The following NDUFA10 variants were observed in gnomAD, a reference collection of about 807,000 sequenced individuals.
NDUFA10 encodes the protein NADH:ubiquinone oxidoreductase subunit A10, also known as NADH dehydrogenase [ubiquinone] 1 alpha subcomplex subunit 10, mitochondrial.
In NDUFA10, 40 loss-of-function variants were observed where a neutral mutation model predicts 47.8. The observed-to-expected ratio is 0.84, with a 90% CI of 0.65 to 1.09. The LOEUF (loss-of-function observed/expected upper bound fraction) is 1.09. NDUFA10 is among the 50% of genes least tolerant of loss of function. The pLI, the probability that NDUFA10 is intolerant of heterozygous loss-of-function variation, is 0.00. For missense variants in NDUFA10, 413 were observed against 451.1 expected, an observed-to-expected ratio of 0.92 and a Z score of 0.76; for synonymous variants, 183 against 172.2, an observed-to-expected ratio of 1.06 and a Z score of -0.49.
intron 6 of NDUFA10, among the ~76,000 whole-genome samples, chr2:240,009,580 T>C (rs1037264966): frequency 1.3e-5 from 2 of 152,246 alleles, no homozygotes; most frequent in Non-Finnish European, 2.9e-5. Flanking sequence ...ATGCTCTTTA[T>C]GCATTCATAA....
intron 9 of NDUFA10, among the ~76,000 whole-genome samples, chr2:239,975,618 G>A (rs1695486763): frequency 2.0e-5 from 3 of 152,186 alleles, no homozygotes; most frequent in South Asian, 2.1e-4. Context: ...GAAGGTGCTC[G>A]GGGTGACCTG....
At position 239,906,277 on chromosome 2, in the gene NDUFA10, C is replaced by T. The variant is rs13426854; in HGVS notation, c.295-10963G>A. Among the ~76,000 whole-genome samples, 25,444 of 152,202 alleles carry T rather than the reference C, an allele frequency of 0.17. 2,153 individuals carry two copies. The highest frequency in any genetic ancestry group is 0.19 in the African/African-American group (7,785 of 41,530). On this transcript the variant is annotated intron_variant, in intron 4 of 5. Coordinates refer to the NDUFA10 transcript ENST00000419408. The surrounding 1 kb of genome is among the most constrained non-coding windows in gnomAD (Gnocchi z 4.3). ...GTCATTTAATCATCTACTGTTCAAG[C>T]TCTTAGCAAAACTGCGGCTTCAGTT... is the stretch of plus-strand genomic sequence containing the variant.
chr2:239,925,252 A>G (rs771087994), intron 4 of NDUFA10, among the ~76,000 whole-genome samples: 3 of 152,208 alleles, frequency 2.0e-5, no homozygotes, highest in South Asian at 2.1e-4. Flanking sequence ...AAAAAGAAGA[A>G]AAATGTGGGA....
chr2:240,001,347 T>C (rs1696708699), intron 8 of NDUFA10, among the ~76,000 whole-genome samples: 1 of 152,212 alleles, frequency 6.6e-6, no homozygotes, highest in Non-Finnish European at 1.5e-5. Flanking sequence ...AATCAGAGTA[T>C]AATAATATAC....
chr2:239,914,783 TACAGACAC>T (rs1369562495), intron 4 of NDUFA10, among the ~76,000 whole-genome samples: 1 of 119,456 alleles, frequency 8.4e-6, no homozygotes, highest in Non-Finnish European at 1.7e-5. Context: ...CACACAAATA[TACAGACAC>T]ACAGATACAC....
In NDUFA10 at chr2:239,960,705, G is replaced by A. The variant is rs1203287055; in HGVS notation, c.*413C>T. The A allele has an allele frequency of 1.0e-5, 12 of 1,162,102 alleles. No homozygotes were observed. The Admixed American group carries it at 1.2e-4, about 11-fold the overall frequency. 72.0% of individuals were successfully genotyped at this position (1,162,102 alleles called of 1,614,324 possible). On this transcript the variant is annotated 3_prime_UTR_variant, in exon 10 of 10. Coordinates refer to ENST00000252711, the MANE Select transcript of NDUFA10 (RefSeq NM_004544.4). ...GTGTGTGCACGTGTGCAGTTTCGACGTGCCCGCACGCACATAGACGTACGA... is the reference window on the plus strand; with the variant it reads ...GTGTGTGCACGTGTGCAGTTTCGACATGCCCGCACGCACATAGACGTACGA...
At position 239,981,764 on chromosome 2, in the gene NDUFA10, G is replaced by A. The variant is rs563172322; in HGVS notation, c.999+8310C>T. Among the ~76,000 whole-genome samples the A allele has an allele frequency of 2.4e-3, 366 of 152,296 alleles. 4 individuals carry two copies. Among genetic ancestry groups the A allele is most frequent in the Non-Finnish European group, 4.2e-3 (285 of 68,024 alleles). ...CAGACCACCTATTTACAGAAGCACA[G>A]TGCAAGTATATTTTAAGTTTCTCAT... On this transcript the variant is annotated intron_variant, in intron 9 of 9. Coordinates refer to ENST00000252711, the MANE Select transcript of NDUFA10 (RefSeq NM_004544.4).
At chr2:240,017,631 C>T (rs1697416689) in intron 4 of NDUFA10, among the ~76,000 whole-genome samples, 1 of 152,240 alleles carries the variant, frequency 6.6e-6, no homozygotes, top group Non-Finnish European at 1.5e-5. Flanking sequence ...TGCCACACCA[C>T]AGGCACTCCA....
intron 9 of NDUFA10, among the ~76,000 whole-genome samples, chr2:239,967,975 A>T (rs1336625587): frequency 2.4e-5 from 1 of 42,086 alleles, no homozygotes; most frequent in Admixed American, 2.8e-4. Flanking sequence ...CAAGGAAAAA[A>T]ATATACACAC....
chr2:239,974,476 A>G (rs1312381377), intron 9 of NDUFA10, among the ~76,000 whole-genome samples: 1 of 152,268 alleles, frequency 6.6e-6, no homozygotes, highest in East Asian at 1.9e-4. Context: ...CCATGTCACC[A>G]GCATGTTCAT....
Position 239,903,925 on chromosome 2 carries a change from G to A in NDUFA10, c.295-8611C>T, listed in dbSNP as rs191105562. 6.6e-5 allele frequency among the ~76,000 whole-genome samples: 10 copies of A among 152,302 alleles called. No individual in the cohort carries two copies. In the East Asian group the frequency reaches 7.7e-4, roughly 12 times the overall value. ...ATTGAGATCAGGTGGGGCAGGGGCC[G>A]CCTGGCCTCAGGGCTGCAGAGAACC... On this transcript the variant is annotated intron_variant, in intron 4 of 5. Coordinates refer to the NDUFA10 transcript ENST00000419408.
chr2:239,973,775 T>A, intron 9 of NDUFA10: 1 of 365,880 alleles, frequency 2.7e-6, no homozygotes. Flanking sequence ...CAGCAGCCTG[T>A]CCTGCACACA....
intron 9 of NDUFA10, among the ~76,000 whole-genome samples, chr2:239,977,211 C>T (rs749899619): frequency 2.0e-5 from 3 of 152,170 alleles, no homozygotes; most frequent in Non-Finnish European, 2.9e-5. Context: ...GCCACTGGAC[C>T]CCAACTGCCG....
intron 4 of NDUFA10, among the ~76,000 whole-genome samples, chr2:239,926,000 C>T (rs1006289513): frequency 5.9e-5 from 9 of 152,178 alleles, no homozygotes; most frequent in African/African-American, 2.2e-4. Flanking sequence ...ACACCAAAGC[C>T]TGACGAGGAT....
At chr2:239,982,835 G>T (rs1036592552) in intron 9 of NDUFA10, among the ~76,000 whole-genome samples, 1 of 152,168 alleles carries the variant, frequency 6.6e-6, no homozygotes, top group Non-Finnish European at 1.5e-5. Flanking sequence ...GATTTTTAAC[G>T]TGTTTTTAGA....
intron 5 of NDUFA10, among the ~76,000 whole-genome samples, chr2:239,893,249 G>C (rs1479057845): frequency 6.6e-6 from 1 of 152,162 alleles, no homozygotes; most frequent in Non-Finnish European, 1.5e-5. Context: ...TAGAGAACTG[G>C]ATCATGATCG....
chr2:239,914,832 CACACACAAATATACAG>C (rs1693821256), intron 4 of NDUFA10, among the ~76,000 whole-genome samples: 1 of 149,608 alleles, frequency 6.7e-6, no homozygotes, highest in Non-Finnish European at 1.5e-5. Flanking sequence ...CATACATACA[CACACACAAATATACAG>C]ACACACACAG....
intron 4 of NDUFA10, among the ~76,000 whole-genome samples, chr2:239,923,974 C>T (rs1300003998): frequency 1.3e-5 from 2 of 152,074 alleles, no homozygotes; most frequent in Non-Finnish European, 2.9e-5. Context: ...CATTACTGCA[C>T]ACATAAATTT....
chr2:239,901,544 T>C (rs1276066390), intron 4 of NDUFA10, among the ~76,000 whole-genome samples: 1 of 151,802 alleles, frequency 6.6e-6, no homozygotes, highest in Non-Finnish European at 1.5e-5. Flanking sequence ...TGGAGAGGCA[T>C]AAGGAGGTTC....
Sources: allele counts gnomAD v4.1 joint callset (sites outside exome capture counted in the v4.1 genomes callset), GRCh38; gene constraint gnomAD v4.1.1; non-coding constraint Gnocchi (gnomAD v3.1); transcripts MANE v1.5; gene names NCBI Gene and HGNC (gene_info 2026-07-23, HGNC 2026-07-21).